PDLIM5: variants seen among roughly 807,000 people sequenced by gnomAD.
The protein encoded by PDLIM5 is PDZ and LIM domain 5, also known as PDZ and LIM domain protein 5.
In PDLIM5, 34 loss-of-function variants were observed where a neutral mutation model predicts 64.2. The observed-to-expected ratio is 0.53, with a 90% CI of 0.40 to 0.71. PDLIM5 has a LOEUF of 0.71. PDLIM5 is among the 30% of genes least tolerant of loss of function. PDLIM5 has a pLI of 0.00. For synonymous variants in PDLIM5, 253 were observed against 269.1 expected (o/e 0.94, Z 0.59); for missense variants, 683 against 733.6 (o/e 0.93, Z 0.80).
At chr4:94,602,644 C>T (rs779126001) in intron 7 of PDLIM5, among the ~76,000 whole-genome samples, 29 of 151,888 alleles carry the variant, frequency 1.9e-4, no homozygotes, top group Non-Finnish European at 3.1e-4. Flanking sequence ...TTAGTAGAGA[C>T]GGAGTTTTGC....
chr4:94,585,130 G>C, intron 5 of PDLIM5: 1 of 579,832 alleles, frequency 1.7e-6, no homozygotes, highest in Non-Finnish European at 3.0e-6. Flanking sequence ...TCGCTCTGTT[G>C]CCCAGGCTGG....
At chr4:94,608,218 G>T in intron 7 of PDLIM5, 1 of 1,423,814 alleles carries the variant, frequency 7.0e-7, no homozygotes, top group South Asian at 1.3e-5. Flanking sequence ...TTTCAAAGCT[G>T]GTAGTGAATT....
At chr4:94,568,688 A>C (rs1385849027) in intron 3 of PDLIM5, among the ~76,000 whole-genome samples, 2 of 152,218 alleles carry the variant, frequency 1.3e-5, no homozygotes, top group Non-Finnish European at 2.9e-5. Flanking sequence ...GAATTACAGC[A>C]ATAAGTTTTC....
At chr4:94,619,088 C>G (rs911968357) in intron 8 of PDLIM5, among the ~76,000 whole-genome samples, 37 of 152,164 alleles carry the variant, frequency 2.4e-4, no homozygotes, top group African/African-American at 8.4e-4. Flanking sequence ...TAACCATTTC[C>G]TATCTCTGGG....
chr4:94,547,106 A>G (rs1214043919), intron 3 of PDLIM5, among the ~76,000 whole-genome samples: 2 of 152,252 alleles, frequency 1.3e-5, no homozygotes, highest in East Asian at 3.9e-4. Context: ...AATGCTTACT[A>G]TAACATTTTC....
intron 8 of PDLIM5, among the ~76,000 whole-genome samples, chr4:94,633,547 A>G (rs1740319745): frequency 1.3e-5 from 2 of 152,056 alleles, no homozygotes; most frequent in Non-Finnish European, 2.9e-5. Context: ...TTTTTGCCCC[A>G]ATCCTAGAAT....
intron 2 of PDLIM5, among the ~76,000 whole-genome samples, chr4:94,470,752 G>GT (rs1209420287): frequency 1.2e-3 from 185 of 152,296 alleles, no homozygotes; most frequent in Non-Finnish European, 3.2e-4. Flanking sequence ...TAGGTCCTCA[G>GT]TAGTAGATAA....
intron 3 of PDLIM5, among the ~76,000 whole-genome samples, chr4:94,550,473 G>A (rs1335639215): frequency 6.6e-6 from 1 of 152,182 alleles, no homozygotes; most frequent in Non-Finnish European, 1.5e-5. Flanking sequence ...GTCACACACT[G>A]AAAGATGCAA....
At chr4:94,564,822 AT>A (rs1281074394) in intron 3 of PDLIM5, among the ~76,000 whole-genome samples, 6 of 150,712 alleles carry the variant, frequency 4.0e-5, no homozygotes, top group African/African-American at 1.2e-4. Context: ...CGCCCAGCTA[AT>A]TTTTTTGTAT....
chr4:94,558,048 A>AT lies in PDLIM5; in HGVS notation c.249-15302dup, dbSNP rs549436432. ...GTATGATATTGGCTGTGAGTTTGTC[A>AT]TAAGTAGCTCTTATTATTTTGAGAT... On this transcript the variant is annotated intron_variant, in intron 3 of 12. Coordinates refer to ENST00000317968, the MANE Select transcript of PDLIM5 (RefSeq NM_006457.5). Among the ~76,000 whole-genome samples, 1,147 of 152,304 alleles carry AT rather than the reference A, an allele frequency of 7.5e-3. 3 individuals carry two copies. Among genetic ancestry groups the AT allele is most frequent in the Non-Finnish European group, 0.012 (823 of 68,024 alleles).
At chr4:94,623,014 A>G (rs975542286) in intron 8 of PDLIM5, among the ~76,000 whole-genome samples, 2 of 152,256 alleles carry the variant, frequency 1.3e-5, no homozygotes, top group Admixed American at 6.5e-5. Flanking sequence ...AGCTTCTCCT[A>G]TAGCATTCTT....
At chr4:94,455,470 A>G in intron 2 of PDLIM5, 86 bp downstream of exon 2, 2 of 851,362 alleles carry the variant, frequency 2.3e-6, no homozygotes, top group South Asian at 2.8e-5. Context: ...GTTGACCTGT[A>G]CTCTACTTAT....
intron 2 of PDLIM5, among the ~76,000 whole-genome samples, chr4:94,492,412 A>G (rs1726961221): frequency 6.6e-6 from 1 of 152,240 alleles, no homozygotes; most frequent in South Asian, 2.1e-4. Flanking sequence ...AGTTTACATA[A>G]CATGAAATTA....
At position 94,510,940 on chromosome 4, in the gene PDLIM5, A is replaced by C. The variant is rs187366421; in HGVS notation, c.97-12784A>C. Among the ~76,000 whole-genome samples the C allele has an allele frequency of 2.1e-3, 321 of 152,362 alleles. 2 individuals carry two copies. Among genetic ancestry groups the C allele is most frequent in the African/African-American group, 6.9e-3 (289 of 41,598 alleles). ...TATGTAGCAACTGGAGAAGAATACA[A>C]ATTTGTTGCCCACATGAAAAATGAG... On this transcript the variant is annotated intron_variant, in intron 2 of 12. Coordinates refer to ENST00000317968, the MANE Select transcript of PDLIM5 (RefSeq NM_006457.5).
intron 3 of PDLIM5, among the ~76,000 whole-genome samples, chr4:94,544,327 T>C (rs928257865): frequency 5.9e-5 from 9 of 152,168 alleles, no homozygotes; most frequent in Admixed American, 1.3e-4. Flanking sequence ...GTCTGGGTAT[T>C]GGGATATGGA....
At chr4:94,618,393 G>C (rs535825361) in intron 8 of PDLIM5, among the ~76,000 whole-genome samples, 1 of 152,118 alleles carries the variant, frequency 6.6e-6, no homozygotes, top group East Asian at 1.9e-4. Flanking sequence ...TGATACAGTC[G>C]CATTTGCTAT....
chr4:94,526,602 GC>G (rs762801652), intron 3 of PDLIM5, among the ~76,000 whole-genome samples: 1 of 151,988 alleles, frequency 6.6e-6, no homozygotes, highest in Non-Finnish European at 1.5e-5. Flanking sequence ...AAATACTTTT[GC>G]CTTTTAAGGA....
chr4:94,527,351 G>T (rs1045164153), intron 3 of PDLIM5, among the ~76,000 whole-genome samples: 2 of 151,846 alleles, frequency 1.3e-5, no homozygotes, highest in Non-Finnish European at 2.9e-5. Context: ...CACCACGCGT[G>T]GCCCTGAACA....
chr4:94,625,655 G>A (rs914346822), intron 8 of PDLIM5, among the ~76,000 whole-genome samples: 12 of 151,946 alleles, frequency 7.9e-5, no homozygotes, highest in Non-Finnish European at 1.3e-4. Context: ...GGGTTTCACC[G>A]TGTTAGCCAG....
Sources: gnomAD v4.1 joint callset for allele counts (sites outside exome capture counted in the v4.1 genomes callset) on GRCh38, gnomAD v4.1.1 for gene constraint, MANE v1.5 for transcripts, NCBI Gene and HGNC (gene_info 2026-07-23, HGNC 2026-07-21) for gene names.